RASAL2: variants seen among roughly 807,000 people sequenced by gnomAD.
The protein encoded by RASAL2 is ras GTPase-activating protein nGAP.
A neutral mutation model predicts 128.9 loss-of-function variants in RASAL2; 58 were observed. That is an observed-to-expected ratio of 0.45 (90% CI 0.36 to 0.56). The LOEUF (loss-of-function observed/expected upper bound fraction) is 0.56. RASAL2 is among the 20% of genes least tolerant of loss of function. The probability of loss-of-function intolerance (pLI) is 0.00; values close to 1 mark genes in which losing one functional copy is unlikely to be tolerated. For synonymous variants in RASAL2, 561 were observed against 580.8 expected, an observed-to-expected ratio of 0.97 and a Z score of 0.49; for missense variants, 1,360 against 1,601.6, an observed-to-expected ratio of 0.85 and a Z score of 2.57.
At chr1:178,175,437 C>CGTGTGTGTGT (rs1158552851) in intron 1 of RASAL2, among the ~76,000 whole-genome samples, 9,806 of 144,288 alleles carry the variant, frequency 0.068, 387 homozygotes, top group African/African-American at 0.087. Flanking sequence ...TACATGGTTA[C>CGTGTGTGTGT]GTGTGTGTGT....
chr1:178,453,052 A>T (rs1677500297), intron 11 of RASAL2, among the ~76,000 whole-genome samples: 1 of 152,158 alleles, frequency 6.6e-6, no homozygotes, highest in South Asian at 2.1e-4. Context: ...AGAAAAGACA[A>T]ATTCTGCGGT....
intron 1 of RASAL2, among the ~76,000 whole-genome samples, chr1:178,214,204 A>G (rs1663349002): frequency 6.6e-6 from 1 of 152,168 alleles, no homozygotes; most frequent in Non-Finnish European, 1.5e-5. Context: ...TAGGAGTTCA[A>G]GGCTATAGTG....
At chr1:178,295,014 C>G (rs575843698) in intron 2 of RASAL2, among the ~76,000 whole-genome samples, 5 of 152,254 alleles carry the variant, frequency 3.3e-5, no homozygotes, top group Admixed American at 1.3e-4. Flanking sequence ...TGTTTAAAAC[C>G]TGACTACTCC....
chr1:178,351,356 A>G (rs1373962263), intron 3 of RASAL2, among the ~76,000 whole-genome samples: 1 of 152,150 alleles, frequency 6.6e-6, no homozygotes, highest in Non-Finnish European at 1.5e-5. Flanking sequence ...TATTAACTCA[A>G]AAGTCCAAAA....
chr1:178,393,360 A>G (rs985773822), intron 4 of RASAL2, among the ~76,000 whole-genome samples: 1 of 152,220 alleles, frequency 6.6e-6, no homozygotes, highest in Non-Finnish European at 1.5e-5. Context: ...GATGGTAGAC[A>G]GTGACAGATC....
In RASAL2 at chr1:178,473,175, C is replaced by G. The variant is rs759643489; in HGVS notation, c.3779C>G (p.Ser1260Cys). The G allele has an allele frequency of 1.2e-6, 2 of 1,614,190 alleles. No individual in the cohort carries two copies. Among genetic ancestry groups the G allele is most frequent in the Non-Finnish European group, 1.7e-6 (2 of 1,180,036 alleles). ...AGCATGCAGGTCCGCAATGGCATCT[C>G]CCCCACCAACCCCACCAAGCTTTCC... The part of the protein sequence containing the change: ...RYSMQVRNGI[S>C]PTNPTKLSIT... Residue 1260 changes from serine to cysteine, a missense_variant, in exon 18 of 18, where the codon TCC becomes TGC. Physicochemically the swap from Ser to Cys is moderately radical, Grantham distance 112. Coordinates refer to ENST00000367649, the MANE Select transcript of RASAL2 (RefSeq NM_170692.4).
chr1:178,346,018 AATT>A (rs1196611820), intron 3 of RASAL2, among the ~76,000 whole-genome samples: 1 of 152,218 alleles, frequency 6.6e-6, no homozygotes, highest in Non-Finnish European at 1.5e-5. Context: ...GTGGTAGAGG[AATT>A]GCATCACACA....
In RASAL2 at chr1:178,447,673, TAAAAAAAAAAAA is replaced by T. The variant is rs60358768; in HGVS notation, c.1627+2028_1627+2039del. Among the ~76,000 whole-genome samples the T allele has an allele frequency of 4.4e-3, 244 of 56,044 alleles. 3 individuals carry two copies. The highest frequency in any genetic ancestry group is 0.011 in the Middle Eastern group (1 of 94). 36.8% of individuals were successfully genotyped at this position (56,044 alleles called of 152,430 possible). On this transcript the variant is annotated intron_variant, in intron 9 of 17. Transcript: ENST00000367649. Reference sequence around the variant, plus strand: ...GAGACAAGAGCAAAACTCCTTCTCTTAAAAAAAAAAAAAAAAAAAAAAAAAAAAGCCATTGTA... The same window carrying T: ...GAGACAAGAGCAAAACTCCTTCTCTTAAAAAAAAAAAAAAAAGCCATTGTA...
chr1:178,465,818 GAAAA>G, intron 15 of RASAL2, 98 bp from the exon 16 acceptor site: 2 of 1,127,744 alleles, frequency 1.8e-6, no homozygotes, highest in Middle Eastern at 2.2e-4. Context: ...AAAGAAAAAA[GAAAA>G]AGAAAAAAAG....
At chr1:178,312,580 C>T (rs980764410) in intron 3 of RASAL2, among the ~76,000 whole-genome samples, 4 of 152,030 alleles carry the variant, frequency 2.6e-5, no homozygotes, top group African/African-American at 9.7e-5. Flanking sequence ...GGAGATCTAG[C>T]ACAGGGGAGA....
intron 1 of RASAL2, among the ~76,000 whole-genome samples, chr1:178,109,131 CA>C (rs1659203817): frequency 6.6e-6 from 1 of 152,164 alleles, no homozygotes; most frequent in Non-Finnish European, 1.5e-5. Flanking sequence ...AGGATTTATT[CA>C]GGTGGCTCTC....
At chr1:178,388,510 G>T (rs578098242) in intron 3 of RASAL2, among the ~76,000 whole-genome samples, 1 of 152,180 alleles carries the variant, frequency 6.6e-6, no homozygotes, top group African/African-American at 2.4e-5. Context: ...TTAAAATACA[G>T]TAGTAGTATG....
At chr1:178,397,754 T>C (rs1257058255) in intron 4 of RASAL2, among the ~76,000 whole-genome samples, 1 of 151,360 alleles carries the variant, frequency 6.6e-6, no homozygotes, top group African/African-American at 2.4e-5. Context: ...CACAAGCGCA[T>C]GGCACTGTAC....
chr1:178,431,109 C>G (rs905178045), intron 5 of RASAL2, among the ~76,000 whole-genome samples: 2 of 151,832 alleles, frequency 1.3e-5, no homozygotes, highest in Non-Finnish European at 2.9e-5. Context: ...CTTAAAAGCA[C>G]TAAAAGAAAA....
intron 3 of RASAL2, among the ~76,000 whole-genome samples, chr1:178,349,143 G>A (rs961659519): frequency 2.0e-5 from 3 of 151,098 alleles, no homozygotes; most frequent in Non-Finnish European, 3.0e-5. Context: ...CAGTCTGGCC[G>A]GACGCCGTGG....
Position 178,300,077 on chromosome 1 carries a change from G to A in RASAL2, c.416G>A (p.Gly139Asp), listed in dbSNP as rs1667697192. 6.2e-7 allele frequency: 1 copy of A among 1,613,768 alleles called. No individual in the cohort carries two copies. Among genetic ancestry groups the A allele is most frequent in the African/African-American group, 1.3e-5 (1 of 74,880 alleles). ...LRRTVSVPSE[G>D]QFPEYPPEGA... Reference sequence around the variant, plus strand: ...AGAACTGTCAGTGTCCCTTCCGAGGGTCAGTTTCCCGAGTACCCACCAGAG... The same window carrying A: ...AGAACTGTCAGTGTCCCTTCCGAGGATCAGTTTCCCGAGTACCCACCAGAG... The change falls in exon 3 of 18, where the codon GGT becomes GAT. Residue 139 changes from glycine to aspartate, a missense_variant. Physicochemically the swap from Gly to Asp is moderately conservative, Grantham distance 94. Transcript: ENST00000367649.
chr1:178,176,889 A>G (rs1329397540), intron 1 of RASAL2, among the ~76,000 whole-genome samples: 1 of 151,872 alleles, frequency 6.6e-6, no homozygotes, highest in African/African-American at 2.4e-5. Flanking sequence ...GCCTAAAACT[A>G]TCCTCCCACC....
intron 4 of RASAL2, among the ~76,000 whole-genome samples, chr1:178,412,620 A>G (rs987841740): frequency 2.6e-5 from 4 of 152,196 alleles, no homozygotes; most frequent in African/African-American, 9.7e-5. Context: ...TCATGTATGT[A>G]TTTATCAAGG....
chr1:178,395,591 A>G (rs1159117264), intron 4 of RASAL2, among the ~76,000 whole-genome samples: 1 of 152,078 alleles, frequency 6.6e-6, no homozygotes, highest in Non-Finnish European at 1.5e-5. Flanking sequence ...TCCAAGCTAC[A>G]ATACAGTTCC....
Sources: allele counts gnomAD v4.1 joint callset (sites outside exome capture counted in the v4.1 genomes callset), GRCh38; gene constraint gnomAD v4.1.1; transcripts MANE v1.5; gene names NCBI Gene and HGNC (gene_info 2026-07-23, HGNC 2026-07-21).